PDS5B: variants seen among roughly 807,000 people sequenced by gnomAD.
The protein encoded by PDS5B is sister chromatid cohesion protein PDS5 homolog B.
In PDS5B, 51 loss-of-function variants were observed where a neutral mutation model predicts 184.1. That is an observed-to-expected ratio of 0.28 (90% confidence interval 0.22 to 0.35). PDS5B has a LOEUF of 0.35. Ranked by LOEUF, PDS5B falls within the 10% of genes least tolerant of loss-of-function variation. The pLI is 1.00. For missense variants in PDS5B, 1,180 were observed against 1,723.3 expected (o/e 0.68, Z 5.58); for synonymous variants, 566 against 569.2 (o/e 0.99, Z 0.08).
At chr13:32,669,281 T>G (rs1405673859) in intron 7 of PDS5B, among the ~76,000 whole-genome samples, 1 of 152,046 alleles carries the variant, frequency 6.6e-6, no homozygotes, top group Non-Finnish European at 1.5e-5. Flanking sequence ...AAGCCAGTTT[T>G]TTTTTTTCTT....
At chr13:32,672,939 A>T (rs1593392589) in intron 7 of PDS5B, among the ~76,000 whole-genome samples, 1 of 152,344 alleles carries the variant, frequency 6.6e-6, no homozygotes, top group Admixed American at 6.5e-5. Context: ...ATAATATAGG[A>T]TAGAATATAA....
At chr13:32,731,460 A>G (rs986282668) in intron 19 of PDS5B, among the ~76,000 whole-genome samples, 1 of 152,004 alleles carries the variant, frequency 6.6e-6, no homozygotes, top group East Asian at 1.9e-4. Context: ...TTAAAATTGT[A>G]ATTCTCTTAT....
intron 1 of PDS5B, among the ~76,000 whole-genome samples, chr13:32,635,169 C>CTT (rs2058522582): frequency 2.1e-5 from 2 of 97,266 alleles, no homozygotes; most frequent in Admixed American, 1.2e-4. Context: ...CAGCCAATTA[C>CTT]GTTTTTTTTT....
At chr13:32,682,760 C>T (rs1031881572) in intron 10 of PDS5B, among the ~76,000 whole-genome samples, 1 of 152,190 alleles carries the variant, frequency 6.6e-6, no homozygotes, top group Non-Finnish European at 1.5e-5. Context: ...AGTCATTTAG[C>T]GTCCTTGACA....
intron 31 of PDS5B, among the ~76,000 whole-genome samples, chr13:32,769,322 A>G (rs965318611): frequency 7.2e-5 from 11 of 152,176 alleles, no homozygotes; most frequent in African/African-American, 2.7e-4. Flanking sequence ...AAAGTTACAG[A>G]TAATTCGATA....
intron 19 of PDS5B, among the ~76,000 whole-genome samples, chr13:32,727,057 T>G (rs1256993815): frequency 6.6e-6 from 1 of 152,204 alleles, no homozygotes; most frequent in Non-Finnish European, 1.5e-5. Context: ...CTTAGAGCAT[T>G]TACACTTACT....
chr13:32,606,445 C>T (rs546759547), intron 1 of PDS5B, among the ~76,000 whole-genome samples: 10 of 152,234 alleles, frequency 6.6e-5, no homozygotes, highest in Non-Finnish European at 1.5e-4. Flanking sequence ...TGCTGTTAGT[C>T]TGATGGGCTT....
At chr13:32,717,715 T>TAAATTAAAAAAAAAAAAAAAAAAAAA (rs1952514665) in intron 19 of PDS5B, among the ~76,000 whole-genome samples, 1 of 127,504 alleles carries the variant, frequency 7.8e-6, no homozygotes, top group Non-Finnish European at 1.7e-5. Context: ...AATAAATCAA[T>TAAATTAAAAAAAAAAAAAAAAAAAAA]AAATTAAAAA....
At chr13:32,666,012 A>G (rs1435362296) in intron 6 of PDS5B, among the ~76,000 whole-genome samples, 1 of 152,088 alleles carries the variant, frequency 6.6e-6, no homozygotes, top group Non-Finnish European at 1.5e-5. Flanking sequence ...TGGGGAGGGG[A>G]GGAATGAAGT....
At chr13:32,711,406 A>G (rs995610914) in intron 19 of PDS5B, among the ~76,000 whole-genome samples, 24 of 152,060 alleles carry the variant, frequency 1.6e-4, no homozygotes, top group African/African-American at 5.6e-4. Context: ...CACCCAGGTT[A>G]GAGTGCTGTG....
At chr13:32,759,711 T>A in intron 29 of PDS5B, 21 bp downstream of exon 29, 1 of 1,349,140 alleles carries the variant, frequency 7.4e-7, no homozygotes. Context: ...AGAATCATTT[T>A]AATTTTTATG....
chr13:32,660,809 T>TC (rs144851390), intron 6 of PDS5B, among the ~76,000 whole-genome samples: 1,584 of 152,276 alleles, frequency 0.01, 37 homozygotes, highest in African/African-American at 0.036. Flanking sequence ...ACTTCCTGTC[T>TC]CTAAGTACAG....
At chr13:32,721,874 T>G (rs1593518017) in intron 19 of PDS5B, among the ~76,000 whole-genome samples, 1 of 133,734 alleles carries the variant, frequency 7.5e-6, no homozygotes, top group Non-Finnish European at 1.6e-5. Flanking sequence ...CTTCCCAGAC[T>G]GGGTGGCCGG....
chr13:32,677,825 A>G (rs1229078029), intron 9 of PDS5B, among the ~76,000 whole-genome samples: 1 of 152,164 alleles, frequency 6.6e-6, no homozygotes, highest in Non-Finnish European at 1.5e-5. Flanking sequence ...GACATATGAA[A>G]ATATTGAATG....
chr13:32,722,248 G>A (rs955615140), intron 19 of PDS5B, among the ~76,000 whole-genome samples: 1 of 152,224 alleles, frequency 6.6e-6, no homozygotes, highest in Non-Finnish European at 1.5e-5. Context: ...CCCAGGCACT[G>A]GGCAGGCTGA....
chr13:32,729,597 C>A (rs1436275664), intron 19 of PDS5B, among the ~76,000 whole-genome samples: 1 of 152,208 alleles, frequency 6.6e-6, no homozygotes, highest in Non-Finnish European at 1.5e-5. Flanking sequence ...TCCACATCCT[C>A]TCCAGCATCT....
At chr13:32,641,683 C>CT (rs1436783970) in intron 1 of PDS5B, among the ~76,000 whole-genome samples, 2 of 152,160 alleles carry the variant, frequency 1.3e-5, no homozygotes, top group African/African-American at 4.8e-5. Flanking sequence ...ACCCCAATCA[C>CT]TATAGGTATT....
intron 1 of PDS5B, among the ~76,000 whole-genome samples, chr13:32,634,588 T>C (rs2058509553): frequency 6.6e-6 from 1 of 151,560 alleles, no homozygotes; most frequent in Non-Finnish European, 1.5e-5. Flanking sequence ...TTTAACTTTT[T>C]TTTTTTTTTT....
intron 9 of PDS5B, 21 bp downstream of exon 9, chr13:32,675,980 A>G (rs761713654): frequency 8.5e-6 from 12 of 1,409,726 alleles, no homozygotes; most frequent in Middle Eastern, 1.8e-4. Context: ...TTGGTTTCCC[A>G]TTTAAAAGTA....
Sources: allele counts gnomAD v4.1 joint callset (sites outside exome capture counted in the v4.1 genomes callset), GRCh38; gene constraint gnomAD v4.1.1; transcripts MANE v1.5; gene names NCBI Gene and HGNC (gene_info 2026-07-23, HGNC 2026-07-21).